BASP1: variants seen among roughly 807,000 people sequenced by gnomAD.
BASP1 encodes brain abundant membrane attached signal protein 1, also known as brain acid soluble protein 1.
BASP1 carries 1 observed loss-of-function variant against 2.2 expected under a neutral mutation model. The observed-to-expected ratio is 0.46, with a 90% CI of 0.16 to 2.17. BASP1 has a LOEUF of 2.17. Among genes scored for constraint, BASP1 ranks in the 30% most tolerant of loss-of-function variants. The pLI, the probability that BASP1 is intolerant of heterozygous loss-of-function variation, is 0.27. For synonymous variants in BASP1, 187 were observed against 154.2 expected (o/e 1.21, Z -1.58); for missense variants, 352 against 327.2 (o/e 1.08, Z -0.58).
Position 17,276,035 on chromosome 5 carries a change from A to C in BASP1, c.*135A>C. Reference sequence around the variant, plus strand: ...CTCTCCTCTCTCTCTCTCCTATACTAACTTGTTTCAAATTGGAAGTAATGA... The same window carrying C: ...CTCTCCTCTCTCTCTCTCCTATACTCACTTGTTTCAAATTGGAAGTAATGA... On this transcript the variant is annotated 3_prime_UTR_variant, in exon 2 of 2. Transcript: ENST00000322611. 1.4e-6 allele frequency: 1 copy of C among 726,116 alleles called. No individual in the cohort carries two copies. The highest frequency in any genetic ancestry group is 2.0e-6 in the Non-Finnish European group (1 of 503,464). 45.0% of individuals were successfully genotyped at this position (726,116 alleles called of 1,614,324 possible). A position where few individuals can be genotyped will look rare whatever the true frequency, so the allele number is the denominator to read the frequency against.
chr5:17,250,435 A>G (rs1740079147), intron 1 of BASP1, among the ~76,000 whole-genome samples: 1 of 152,190 alleles, frequency 6.6e-6, no homozygotes, highest in African/African-American at 2.4e-5. Context: ...TTTTTACAGC[A>G]TCAATATATA....
In BASP1 at chr5:17,236,082, G is replaced by T. The variant is rs922302239; in HGVS notation, c.-10+18272G>T. Among the ~76,000 whole-genome samples, 1 of 152,074 alleles carries T rather than the reference G, an allele frequency of 6.6e-6. No individual in the cohort carries two copies. The highest frequency in any genetic ancestry group is 1.5e-5 in the Non-Finnish European group (1 of 68,020). On this transcript the variant is annotated intron_variant, in intron 1 of 1. Coordinates refer to ENST00000322611, the MANE Select transcript of BASP1 (RefSeq NM_006317.5). This position sits in a 1 kb window ranked among gnomAD's most constrained non-coding sequence, Gnocchi z 4.0. Reference sequence around the variant, plus strand: ...CTATTGTTAGCGTATTTTATGTGTGGCCCAAGACAATTCTTCCAGTGTGGC... The same window carrying T: ...CTATTGTTAGCGTATTTTATGTGTGTCCCAAGACAATTCTTCCAGTGTGGC...
At chr5:17,226,048 GAC>G (rs1220246280) in intron 1 of BASP1, among the ~76,000 whole-genome samples, 1 of 152,086 alleles carries the variant, frequency 6.6e-6, no homozygotes, top group Admixed American at 6.6e-5. Flanking sequence ...TTTTTGATGA[GAC>G]ACAATTTTAA....
chr5:17,243,937 A>C (rs568065347), intron 1 of BASP1, among the ~76,000 whole-genome samples: 113 of 152,368 alleles, frequency 7.4e-4, no homozygotes, highest in African/African-American at 2.2e-3. Flanking sequence ...TTTCAAGTGC[A>C]ATAAGTCACG....
chr5:17,237,217 G>C (rs891996549), intron 1 of BASP1, among the ~76,000 whole-genome samples: 2 of 152,114 alleles, frequency 1.3e-5, no homozygotes, highest in Non-Finnish European at 2.9e-5. Flanking sequence ...GGTGGTGGGC[G>C]CCTGTAGTCC....
chr5:17,235,513 C>T (rs552472927), intron 1 of BASP1, among the ~76,000 whole-genome samples: 17 of 152,220 alleles, frequency 1.1e-4, no homozygotes, highest in East Asian at 7.7e-4. Flanking sequence ...CAGCCCACCT[C>T]GGCCTCCCAA....
intron 1 of BASP1, among the ~76,000 whole-genome samples, chr5:17,264,049 G>A (rs1207422357): frequency 2.6e-5 from 4 of 152,126 alleles, no homozygotes; most frequent in African/African-American, 4.8e-5. Context: ...AAGTCACTGC[G>A]ACAGAGCACA....
At position 17,256,071 on chromosome 5, in the gene BASP1, A is replaced by G. The variant is rs750997101; in HGVS notation, c.-9-19137A>G. Among the ~76,000 whole-genome samples, 21 of 152,184 alleles carry G rather than the reference A, an allele frequency of 1.4e-4. 2 individuals carry two copies. The highest frequency in any genetic ancestry group is 2.8e-4 in the Non-Finnish European group (19 of 68,014). ...ACATCTGAGGTTTCACATGCTCTTCATTTGTCTGGTATCTGCATGACTTGC... is the reference window on the plus strand; with the variant it reads ...ACATCTGAGGTTTCACATGCTCTTCGTTTGTCTGGTATCTGCATGACTTGC... On this transcript the variant is annotated intron_variant, in intron 1 of 1. Transcript: ENST00000322611.
chr5:17,225,806 G>T (rs1339077088), intron 1 of BASP1, among the ~76,000 whole-genome samples: 1 of 152,178 alleles, frequency 6.6e-6, no homozygotes, highest in Non-Finnish European at 1.5e-5. Context: ...TTTGAGAGCT[G>T]CATACAACGG....
At chr5:17,233,992 G>A (rs143101318) in intron 1 of BASP1, among the ~76,000 whole-genome samples, 2,121 of 152,184 alleles carry the variant, frequency 0.014, 43 homozygotes, top group African/African-American at 0.047. Flanking sequence ...TTAGCTGGGC[G>A]TGGTGGCACA....
rs1740674600 is a variant in BASP1 at position 17,276,745 on chromosome 5, A to G, written c.*845A>G. 4 of 166,634 alleles carry G rather than the reference A, an allele frequency of 2.4e-5. No homozygotes were observed. The Admixed American group carries it at 2.6e-4, about 11-fold the overall frequency. The allele number at this position is 166,634 out of a possible 1,614,324, so 10.3% of individuals were successfully genotyped here. A position where few individuals can be genotyped will look rare whatever the true frequency, so the allele number is the denominator to read the frequency against. Reference sequence around the variant, plus strand: ...GGAAAATGGAAAAAAAAAACAAAAAAAAAACAAAAAAATGTACAATGGATG... The same window carrying G: ...GGAAAATGGAAAAAAAAAACAAAAAGAAAACAAAAAAATGTACAATGGATG... On this transcript the variant is annotated 3_prime_UTR_variant, in exon 2 of 2. Transcript: ENST00000322611.
chr5:17,219,006 CCT>C (rs1231982587), intron 1 of BASP1, among the ~76,000 whole-genome samples: 76 of 152,042 alleles, frequency 5.0e-4, no homozygotes, highest in African/African-American at 1.7e-3. Flanking sequence ...GTTGACAACA[CCT>C]CTGTCTCCCC....
intron 1 of BASP1, among the ~76,000 whole-genome samples, chr5:17,232,485 A>C (rs761002646): frequency 6.6e-6 from 1 of 152,222 alleles, no homozygotes; most frequent in Admixed American, 6.5e-5. Context: ...CTTACTCTGC[A>C]TCGTGAGTTC....
At chr5:17,269,866 T>C (rs543373686) in intron 1 of BASP1, among the ~76,000 whole-genome samples, 1 of 152,230 alleles carries the variant, frequency 6.6e-6, no homozygotes. Flanking sequence ...ACGTGAAATT[T>C]GAGGCATTAA....
chr5:17,253,303 T>C (rs1740136860), intron 1 of BASP1, among the ~76,000 whole-genome samples: 1 of 152,200 alleles, frequency 6.6e-6, no homozygotes, highest in South Asian at 2.1e-4. Context: ...CTCACCCTAC[T>C]GGGCTCAAGT....
At chr5:17,227,595 G>A (rs959405261) in intron 1 of BASP1, among the ~76,000 whole-genome samples, 9 of 151,806 alleles carry the variant, frequency 5.9e-5, no homozygotes, top group African/African-American at 2.2e-4. Flanking sequence ...GTAGAGATGG[G>A]GTTTCACTAT....
chr5:17,243,975 A>T lies in BASP1; in HGVS notation c.-10+26165A>T, dbSNP rs144905482. ...TACTATGTGAAATTGGATAAAGATA[A>T]TTTTTTTGCAAATATATCCTTACAT... On this transcript the variant is annotated intron_variant, in intron 1 of 1. Coordinates refer to ENST00000322611, the MANE Select transcript of BASP1 (RefSeq NM_006317.5). Among the ~76,000 whole-genome samples, 537 of 152,336 alleles carry T rather than the reference A, an allele frequency of 3.5e-3. 5 individuals carry two copies. The highest frequency in any genetic ancestry group is 0.012 in the African/African-American group (514 of 41,572).
chr5:17,219,475 A>G (rs951131452), intron 1 of BASP1, among the ~76,000 whole-genome samples: 3 of 152,244 alleles, frequency 2.0e-5, no homozygotes, highest in African/African-American at 7.2e-5. Flanking sequence ...ATTGTGGATT[A>G]AATATTTTGT....
chr5:17,240,842 G>T (rs1015676836), intron 1 of BASP1: 1 of 152,146 alleles, frequency 6.6e-6, no homozygotes, highest in African/African-American at 2.4e-5. Flanking sequence ...AAGGTATTTT[G>T]TTAGGGTACC....
Sources: gnomAD v4.1 joint callset for allele counts (sites outside exome capture counted in the v4.1 genomes callset) on GRCh38, gnomAD v4.1.1 for gene constraint, Gnocchi (gnomAD v3.1) non-coding constraint, MANE v1.5 for transcripts, NCBI Gene and HGNC (gene_info 2026-07-23, HGNC 2026-07-21) for gene names.